The following RELN variants were observed in gnomAD, a reference collection of about 807,000 sequenced individuals.
RELN encodes the protein reelin.
Under a neutral mutation model 427.6 loss-of-function variants are expected in RELN, and 108 were observed. The ratio of observed to expected loss-of-function variants is 0.25; its 90% CI spans 0.22 to 0.30. RELN has a LOEUF of 0.30. Ranked by LOEUF, RELN falls within the 10% of genes least tolerant of loss-of-function variation. The probability of loss-of-function intolerance (pLI) is 1.00; values close to 1 mark genes in which losing one functional copy is unlikely to be tolerated. For missense variants in RELN, 3,715 were observed against 4,302.8 expected (o/e 0.86, Z 3.82); for synonymous variants, 1,524 against 1,513.4 (o/e 1.01, Z -0.16).
At position 103,962,646 on chromosome 7, in the gene RELN, T is replaced by TTGTGTG. The variant is rs57782980; in HGVS notation, c.226+26479_226+26484dup. Reference sequence around the variant, plus strand: ...TGTTGGATTTTCCATTCCAAAGTTGTTGTGTGTGTGTGTGTGTGTGTGTGT... The same window carrying TTGTGTG: ...TGTTGGATTTTCCATTCCAAAGTTGTTGTGTGTGTGTGTGTGTGTGTGTGTGTGTGT... On this transcript the variant is annotated intron_variant, in intron 1 of 64. Transcript: ENST00000428762. Among the ~76,000 whole-genome samples, 489 of 149,918 alleles carry TTGTGTG rather than the reference T, an allele frequency of 3.3e-3. 3 individuals carry two copies. Among genetic ancestry groups the TTGTGTG allele is most frequent in the African/African-American group, 0.011 (461 of 40,824 alleles).
At chr7:103,541,840 A>C (rs1222790633) in intron 43 of RELN, among the ~76,000 whole-genome samples, 2 of 152,228 alleles carry the variant, frequency 1.3e-5, no homozygotes, top group East Asian at 3.8e-4. Flanking sequence ...ATAATGATAA[A>C]ATATTGTTTT....
rs1831733041 is a variant in RELN, at chr7:103,603,621, G to A, written c.3147-131C>T. ...CATTCACACTAGATTCTTCCCTACA[G>A]TGTTAATCTGGGTATGCGGTAGTAA... On this transcript the variant is annotated intron_variant, in intron 23 of 64. Transcript: ENST00000428762. This position sits in a 1 kb window ranked among gnomAD's most constrained non-coding sequence, Gnocchi z 4.3. The A allele has an allele frequency of 1.3e-6, 1 of 746,084 alleles. No homozygotes were observed. The highest frequency in any genetic ancestry group is 2.0e-5 in the Admixed American group (1 of 50,690). 46.2% of individuals were successfully genotyped at this position (746,084 alleles called of 1,614,324 possible). A position where few individuals can be genotyped will look rare whatever the true frequency, so the allele number is the denominator to read the frequency against.
rs116159039 is a variant in RELN, at chr7:103,549,827, A to G, written c.6302+1240T>C. ...TATTTCTTGCAACATATGATCTTAA[A>G]TAATACAACCATTTCGAATAAAAAC... On this transcript the variant is annotated intron_variant, in intron 41 of 64. Coordinates refer to ENST00000428762, the MANE Select transcript of RELN (RefSeq NM_005045.4). Among the ~76,000 whole-genome samples the G allele has an allele frequency of 3.3e-3, 498 of 152,294 alleles. 7 individuals are homozygous for G. The highest frequency in any genetic ancestry group is 0.011 in the African/African-American group (465 of 41,566).
chr7:103,983,537 G>C (rs1239374249), intron 1 of RELN, among the ~76,000 whole-genome samples: 3 of 152,180 alleles, frequency 2.0e-5, no homozygotes, highest in African/African-American at 7.2e-5. Flanking sequence ...TTCAATTCGA[G>C]TATCTGAAAT....
At chr7:103,658,553 C>T (rs1253541260) in intron 12 of RELN, among the ~76,000 whole-genome samples, 3 of 152,040 alleles carry the variant, frequency 2.0e-5, no homozygotes, top group Non-Finnish European at 4.4e-5. Context: ...TGCCACCCTA[C>T]CCTATCCTAT....
At chr7:103,933,888 CAATA>C (rs1436212789) in intron 1 of RELN, among the ~76,000 whole-genome samples, 1 of 152,146 alleles carries the variant, frequency 6.6e-6, no homozygotes, top group African/African-American at 2.4e-5. Context: ...TCCACTTTCT[CAATA>C]AATAGAGAGA....
At chr7:103,878,824 T>G (rs1794542973) in intron 2 of RELN, among the ~76,000 whole-genome samples, 1 of 152,218 alleles carries the variant, frequency 6.6e-6, no homozygotes, top group East Asian at 1.9e-4. Context: ...ACAGAATATA[T>G]GCTTCTGACT....
chr7:103,691,461 G>A (rs760681672), intron 10 of RELN, among the ~76,000 whole-genome samples: 12 of 152,124 alleles, frequency 7.9e-5, no homozygotes, highest in Non-Finnish European at 1.3e-4. Flanking sequence ...CAGCAGTGGA[G>A]TGTTTACATA....
At chr7:103,659,321 C>T (rs1460597206) in intron 12 of RELN, among the ~76,000 whole-genome samples, 1 of 152,010 alleles carries the variant, frequency 6.6e-6, no homozygotes, top group Non-Finnish European at 1.5e-5. Context: ...TAATGTAATG[C>T]TGAACTAACA....
chr7:103,776,536 CA>C lies in RELN; in HGVS notation c.544+20del, dbSNP rs1434328041. On this transcript the variant is annotated intron_variant, in intron 4 of 64. Transcript: ENST00000428762. ...ATGAATAGTTTGGACATAACACAAA[CA>C]AATCAAATGTGACGCTTACCTCCTT... is the stretch of plus-strand genomic sequence containing the variant. 2 of 1,613,464 alleles carry C rather than the reference CA, an allele frequency of 1.2e-6. No homozygotes were observed.
At chr7:103,797,262 C>T (rs2116295576) in intron 3 of RELN, among the ~76,000 whole-genome samples, 1 of 152,122 alleles carries the variant, frequency 6.6e-6, no homozygotes, top group East Asian at 1.9e-4. Context: ...ACCACCATGC[C>T]CAGCTGATTT....
intron 1 of RELN, among the ~76,000 whole-genome samples, chr7:103,983,423 G>A (rs1168285713): frequency 6.6e-6 from 1 of 152,180 alleles, no homozygotes; most frequent in African/African-American, 2.4e-5. Flanking sequence ...ACACCAAAGT[G>A]AGATCATGTC....
At chr7:103,713,202 C>T (rs1046451402) in intron 8 of RELN, among the ~76,000 whole-genome samples, 3 of 152,120 alleles carry the variant, frequency 2.0e-5, no homozygotes, top group Non-Finnish European at 4.4e-5. Context: ...ATTGAGGATT[C>T]CTGCAGCGCG....
chr7:103,681,578 C>A (rs888687791), intron 11 of RELN, among the ~76,000 whole-genome samples: 23 of 152,008 alleles, frequency 1.5e-4, no homozygotes, highest in African/African-American at 5.1e-4. Flanking sequence ...GCACACAGCT[C>A]AGAACAGCAA....
chr7:103,589,624 T>C lies in RELN; in HGVS notation c.4117A>G (p.Ile1373Val). 3.7e-6 allele frequency: 6 copies of C among 1,613,514 alleles called. No homozygotes were observed. The East Asian group carries it at 6.7e-5, about 18-fold the overall frequency. ...GATGCAAGAGACCTTGGAATAACAA[T>C]GGTGATTCTTGTCCATTCTTCAAAG... ...GDFEEWTRIT[I>V]VIPRSLASSK... is the part of the protein sequence containing the mutation. Residue 1373 changes from isoleucine to valine, a missense_variant, in exon 28 of 65, where the codon ATT (isoleucine) becomes GTT (valine). Ile to Val is a conservative substitution (Grantham distance 29). Around this residue, in one of 4 missense-constraint regions of RELN, gnomAD observed 2,208 missense variants for 2,361.7 expected, o/e 0.93. Transcript: ENST00000428762.
rs531342287 is a variant in RELN, at chr7:103,869,354, C to T, written c.338-35682G>A. 2.6e-5 allele frequency among the ~76,000 whole-genome samples: 4 copies of T among 152,074 alleles called. No homozygotes were observed. The East Asian group carries it at 7.7e-4, about 29-fold the overall frequency. ...ACCATTTCCAGTGCTCTTCTTTATA[C>T]CTTTTTTTACTTCATATAGATCTAG... On this transcript the variant is annotated intron_variant, in intron 2 of 64. Coordinates refer to ENST00000428762, the MANE Select transcript of RELN (RefSeq NM_005045.4).
intron 16 of RELN, among the ~76,000 whole-genome samples, chr7:103,645,136 A>G (rs1359352359): frequency 1.3e-5 from 2 of 151,842 alleles, no homozygotes; most frequent in Non-Finnish European, 3.0e-5. Flanking sequence ...AGTTCTAAAC[A>G]TAGAAATTAA....
chr7:103,494,394 G>GTGTGTGTGTGTGTGTGTGTGT (rs774896895), intron 57 of RELN, among the ~76,000 whole-genome samples: 1,417 of 134,470 alleles, frequency 0.011, 9 homozygotes, highest in African/African-American at 0.017. Context: ...TGTGTGTGTG[G>GTGTGTGTGTGTGTGTGTGTGT]GATATGGTCT....
At chr7:103,527,817 A>G (rs1016937540) in intron 46 of RELN, among the ~76,000 whole-genome samples, 3 of 152,250 alleles carry the variant, frequency 2.0e-5, no homozygotes, top group African/African-American at 7.2e-5. Flanking sequence ...CAATAAGCAC[A>G]GGATAAGAAG....
Sources: allele counts gnomAD v4.1 joint callset (sites outside exome capture counted in the v4.1 genomes callset), GRCh38; gene constraint gnomAD v4.1.1; regional missense constraint gnomAD v4.1.1; non-coding constraint Gnocchi (gnomAD v3.1); transcripts MANE v1.5; gene names NCBI Gene and HGNC (gene_info 2026-07-23, HGNC 2026-07-21).